PTPRG: variants seen among roughly 807,000 people sequenced by gnomAD.
PTPRG encodes the protein protein tyrosine phosphatase receptor type G.
Under a neutral mutation model 165.3 loss-of-function variants are expected in PTPRG, and 102 were observed. The observed-to-expected ratio is 0.62, with a 90% confidence interval of 0.53 to 0.73. The LOEUF is 0.73. Among genes scored for constraint, PTPRG ranks in the 30% least tolerant of loss-of-function variants. The pLI is 0.00. For missense variants in PTPRG, 1,866 were observed against 1,861.4 expected (o/e 1.00, Z -0.05); for synonymous variants, 675 against 669.5 (o/e 1.01, Z -0.13).
intron 1 of PTPRG, among the ~76,000 whole-genome samples, chr3:61,659,839 T>C (rs1702608767): frequency 6.6e-6 from 1 of 152,184 alleles, no homozygotes; most frequent in African/African-American, 2.4e-5. Context: ...TAAATTTAAT[T>C]AGAAGAAATG....
intron 2 of PTPRG, among the ~76,000 whole-genome samples, chr3:61,758,642 G>C (rs769515226): frequency 6.6e-6 from 1 of 151,978 alleles, no homozygotes; most frequent in Admixed American, 6.6e-5. Context: ...TAGTAGAGAC[G>C]GGGTTTCACC....
chr3:61,676,925 C>T (rs906232160), intron 1 of PTPRG, among the ~76,000 whole-genome samples: 1 of 152,058 alleles, frequency 6.6e-6, no homozygotes, highest in Non-Finnish European at 1.5e-5. Context: ...TCCAGTTAGC[C>T]TGGGTAAAAA....
chr3:62,026,360 C>G (rs1011241444), intron 4 of PTPRG, among the ~76,000 whole-genome samples: 2 of 152,132 alleles, frequency 1.3e-5, no homozygotes, highest in Non-Finnish European at 2.9e-5. Flanking sequence ...CCTAGACAAG[C>G]TCTTATGTTC....
chr3:61,930,469 A>G (rs893646802), intron 2 of PTPRG, among the ~76,000 whole-genome samples: 2 of 152,084 alleles, frequency 1.3e-5, no homozygotes, highest in African/African-American at 4.8e-5. Flanking sequence ...TATCACTTCC[A>G]TTCCTTTTGG....
chr3:61,852,294 T>C (rs2036984367), intron 2 of PTPRG, among the ~76,000 whole-genome samples: 1 of 152,214 alleles, frequency 6.6e-6, no homozygotes, highest in African/African-American at 2.4e-5. Context: ...CTTTTTATGG[T>C]CAGTTATAAA....
chr3:61,653,903 G>GTGGT lies in PTPRG; in HGVS notation c.85+91531_85+91532insTGGT, dbSNP rs1553644926. On this transcript the variant is annotated intron_variant, in intron 1 of 29. Coordinates refer to ENST00000474889, the MANE Select transcript of PTPRG (RefSeq NM_002841.4). ...AGGTTGTTAAGCGGGGAGCGGTGGG[G>GTGGT]GGCGCGGGGAACTGTAAGGGAACAT... Among the ~76,000 whole-genome samples the GTGGT allele has an allele frequency of 3.3e-4, 45 of 137,920 alleles. 1 individual carries two copies. Among genetic ancestry groups the GTGGT allele is most frequent in the East Asian group, 8.7e-4 (4 of 4,604 alleles). The allele number at this position is 137,920 out of a possible 152,430, so 90.5% of individuals were successfully genotyped here.
intron 8 of PTPRG, among the ~76,000 whole-genome samples, chr3:62,183,965 A>G (rs1705766551): frequency 6.6e-6 from 1 of 152,206 alleles, no homozygotes. Flanking sequence ...GTATGGGGCA[A>G]GTACATACAT....
intron 15 of PTPRG, among the ~76,000 whole-genome samples, chr3:62,251,187 T>C (rs1701407095): frequency 6.6e-6 from 1 of 152,150 alleles, no homozygotes; most frequent in Admixed American, 6.5e-5. Context: ...GCCCAAGAGT[T>C]TGAGACTAGC....
At chr3:62,275,062 T>C (rs1478823631) in intron 23 of PTPRG, among the ~76,000 whole-genome samples, 3 of 152,146 alleles carry the variant, frequency 2.0e-5, no homozygotes, top group Non-Finnish European at 4.4e-5. Flanking sequence ...TGAGTTTTAC[T>C]AAAGCATCTG....
intron 2 of PTPRG, chr3:61,749,619 A>G (rs1483167890): frequency 6.4e-6 from 1 of 155,266 alleles, no homozygotes; most frequent in Admixed American, 6.3e-5. Context: ...AAAACTAGGG[A>G]TAGACTTTTC....
intron 2 of PTPRG, among the ~76,000 whole-genome samples, chr3:61,835,975 G>A (rs377308949): frequency 8.6e-5 from 13 of 151,792 alleles, no homozygotes; most frequent in East Asian, 5.9e-4. Flanking sequence ...GGGAGGTGGA[G>A]GATGCGGTGA....
chr3:61,849,495 A>T (rs1005385214), intron 2 of PTPRG, among the ~76,000 whole-genome samples: 1 of 152,122 alleles, frequency 6.6e-6, no homozygotes, highest in African/African-American at 2.4e-5. Context: ...AATAAAACAG[A>T]GTCTCGCACC....
At chr3:62,247,306 C>T (rs996541041) in intron 15 of PTPRG, among the ~76,000 whole-genome samples, 2 of 152,076 alleles carry the variant, frequency 1.3e-5, no homozygotes, top group African/African-American at 4.8e-5. Flanking sequence ...GGCTCTGCCA[C>T]CTCTTGGCAT....
In PTPRG at chr3:61,866,582, C is replaced by CTTTTTTTTT. The variant is rs532356516; in HGVS notation, c.190+117628_190+117636dup. Among the ~76,000 whole-genome samples, 78 of 69,104 alleles carry CTTTTTTTTT rather than the reference C, an allele frequency of 1.1e-3. 15 individuals are homozygous for CTTTTTTTTT. Among genetic ancestry groups the CTTTTTTTTT allele is most frequent in the African/African-American group, 1.6e-3 (38 of 23,458 alleles). 45.3% of individuals were successfully genotyped at this position (69,104 alleles called of 152,430 possible). ...TTCCCTGGCTTTGGAACTGTTTGCTCTTTTTTTTTTTTTTTTTTTTTTTTT... is the reference window on the plus strand; with the variant it reads ...TTCCCTGGCTTTGGAACTGTTTGCTCTTTTTTTTTTTTTTTTTTTTTTTTTTTTTTTTTT... On this transcript the variant is annotated intron_variant, in intron 2 of 29. Transcript: ENST00000474889.
At chr3:62,282,475 C>G (rs1209054214) in intron 27 of PTPRG, among the ~76,000 whole-genome samples, 1 of 151,306 alleles carries the variant, frequency 6.6e-6, no homozygotes, top group African/African-American at 2.4e-5. Flanking sequence ...AGCAATCCTC[C>G]CACCTTGGCC....
chr3:61,847,415 G>A (rs991914307), intron 2 of PTPRG, among the ~76,000 whole-genome samples: 1 of 152,158 alleles, frequency 6.6e-6, no homozygotes, highest in African/African-American at 2.4e-5. Context: ...CCTTGATCTT[G>A]GACTTCTGCC....
chr3:62,247,597 C>A (rs1473405179), intron 15 of PTPRG, among the ~76,000 whole-genome samples: 1 of 152,018 alleles, frequency 6.6e-6, no homozygotes, highest in Non-Finnish European at 1.5e-5. Flanking sequence ...CTTTTCCTTC[C>A]TGAGAGAAAG....
intron 2 of PTPRG, among the ~76,000 whole-genome samples, chr3:61,815,492 A>C (rs1238461451): frequency 6.6e-6 from 1 of 152,334 alleles, no homozygotes; most frequent in East Asian, 1.9e-4. Context: ...ATGCAGTCTT[A>C]GAGATGGAAT....
At chr3:62,065,319 G>T (rs1368865684) in intron 4 of PTPRG, among the ~76,000 whole-genome samples, 1 of 152,090 alleles carries the variant, frequency 6.6e-6, no homozygotes, top group Non-Finnish European at 1.5e-5. Flanking sequence ...GAAGATTCCA[G>T]GGAAGTCCAT....
Sources: gnomAD v4.1 joint callset for allele counts (sites outside exome capture counted in the v4.1 genomes callset) on GRCh38, gnomAD v4.1.1 for gene constraint, MANE v1.5 for transcripts, NCBI Gene and HGNC (gene_info 2026-07-23, HGNC 2026-07-21) for gene names.